KCNJ5: variants seen among roughly 807,000 people sequenced by gnomAD.
KCNJ5 encodes G protein-activated inward rectifier potassium channel 4.
KCNJ5 carries 12 observed loss-of-function variants against 20.2 expected under a neutral mutation model. That is an observed-to-expected ratio of 0.59 (90% CI 0.38 to 0.96). KCNJ5 has a LOEUF of 0.96. KCNJ5 is among the 40% of genes least tolerant of loss of function. The pLI is 0.00. For missense variants in KCNJ5, 449 were observed against 557.6 expected (o/e 0.81, Z 1.96); for synonymous variants, 210 against 213.9 (o/e 0.98, Z 0.16).
chr11:128,899,664 G>A (rs1056888550), intron 1 of KCNJ5: 6 of 152,146 alleles, frequency 3.9e-5, no homozygotes, highest in African/African-American at 1.2e-4. Flanking sequence ...ATCACTGTGC[G>A]GCTCACTTTC....
Position 128,920,525 on chromosome 11 carries a change from AG to A in KCNJ5, c.*3795del, listed in dbSNP as rs1944650440. On this transcript the variant is annotated 3_prime_UTR_variant, in exon 3 of 3. Transcript: ENST00000529694. ...TGTACTGAAGTTGCCAAAAACCAAA[AG>A]TTGCCCGTTGTCATTTTTAAGACTG... 6.6e-6 allele frequency: 1 copy of A among 152,286 alleles called. No homozygotes were observed. Among genetic ancestry groups the A allele is most frequent in the Admixed American group, 6.5e-5 (1 of 15,280 alleles). The allele number at this position is 152,286 out of a possible 1,614,324, so 9.4% of individuals were successfully genotyped here.
At chr11:128,904,644 C>G in intron 1 of KCNJ5, 1 of 701,678 alleles carries the variant, frequency 1.4e-6, no homozygotes, top group South Asian at 1.5e-5. Context: ...TTAGCCAGAT[C>G]CCCAGGAAGG....
At chr11:128,896,737 A>G (rs1414350215) in intron 1 of KCNJ5, among the ~76,000 whole-genome samples, 1 of 152,040 alleles carries the variant, frequency 6.6e-6, no homozygotes, top group East Asian at 1.9e-4. Flanking sequence ...GACATCTGGG[A>G]TGTTTTCACT....
intron 1 of KCNJ5, chr11:128,900,093 AAT>A (rs1288026640): frequency 6.6e-6 from 1 of 152,196 alleles, no homozygotes; most frequent in Non-Finnish European, 1.5e-5. Context: ...AATCGGGCCT[AAT>A]ATCTGCCCTT....
chr11:128,906,324 C>T (rs562374356), intron 1 of KCNJ5, among the ~76,000 whole-genome samples: 1 of 152,340 alleles, frequency 6.6e-6, no homozygotes, highest in South Asian at 2.1e-4. Flanking sequence ...TATGATCCGA[C>T]TTCCCTTTCT....
At chr11:128,900,045 C>T (rs963214238) in intron 1 of KCNJ5, 8 of 152,218 alleles carry the variant, frequency 5.3e-5, no homozygotes, top group Non-Finnish European at 1.0e-4. Context: ...AGGCACTCAC[C>T]TATCACTAAC....
intron 1 of KCNJ5, among the ~76,000 whole-genome samples, chr11:128,895,387 C>CG (rs975978745): frequency 2.7e-5 from 4 of 150,344 alleles, no homozygotes; most frequent in African/African-American, 4.9e-5. Context: ...CCCCCACCCC[C>CG]CCCCCAACCC....
chr11:128,902,300 C>A, intron 1 of KCNJ5: 1 of 552,262 alleles, frequency 1.8e-6, no homozygotes, highest in Non-Finnish European at 3.2e-6. Context: ...CCCTCCTGTC[C>A]CTCCAGCCCT....
At chr11:128,903,395 C>A in intron 1 of KCNJ5, 2 of 1,614,040 alleles carry the variant, frequency 1.2e-6, no homozygotes, top group Non-Finnish European at 1.7e-6. Context: ...TGGGTGTAGA[C>A]GGCAGAGCTC....
At chr11:128,895,794 C>A (rs946103765) in intron 1 of KCNJ5, among the ~76,000 whole-genome samples, 1 of 152,242 alleles carries the variant, frequency 6.6e-6, no homozygotes, top group Non-Finnish European at 1.5e-5. Context: ...GCACAGGCAT[C>A]GCCGGGGCGA....
chr11:128,916,244 A>ATGGATGGATGGATG lies in KCNJ5; in HGVS notation c.938-165_938-164insTGGATGGATGGATG, dbSNP rs1565554461. Among the ~76,000 whole-genome samples the ATGGATGGATGGATG allele has an allele frequency of 7.3e-4, 94 of 129,288 alleles. 2 individuals carry two copies. Among genetic ancestry groups the ATGGATGGATGGATG allele is most frequent in the African/African-American group, 2.4e-3 (80 of 33,082 alleles). The allele number at this position is 129,288 out of a possible 152,430, so 84.8% of individuals were successfully genotyped here. A position where few individuals can be genotyped will look rare whatever the true frequency, so the allele number is the denominator to read the frequency against. ...TGGATGGTTGGATGGATAGATGATT[A>ATGGATGGATGGATG]GATGGATGGATGGATGGATGGATGG... On this transcript the variant is annotated intron_variant, in intron 2 of 2. Coordinates refer to ENST00000529694, the MANE Select transcript of KCNJ5 (RefSeq NM_000890.5).
intron 1 of KCNJ5, among the ~76,000 whole-genome samples, chr11:128,897,492 G>A (rs1944196394): frequency 6.6e-6 from 1 of 151,956 alleles, no homozygotes; most frequent in South Asian, 2.1e-4. Context: ...AATTTGATTG[G>A]CTTTTGTTGT....
Position 128,918,830 on chromosome 11 carries a change from G to A in KCNJ5, c.*2099G>A, listed in dbSNP as rs946973057. 6.6e-6 allele frequency: 1 copy of A among 152,400 alleles called. No individual in the cohort carries two copies. The highest frequency in any genetic ancestry group is 1.5e-5 in the Non-Finnish European group (1 of 68,202). 9.4% of individuals were successfully genotyped at this position (152,400 alleles called of 1,614,324 possible). On this transcript the variant is annotated 3_prime_UTR_variant, in exon 3 of 3. Coordinates refer to ENST00000529694, the MANE Select transcript of KCNJ5 (RefSeq NM_000890.5). ...GGGCTGGATCTTGAGAGGTGGGCAG[G>A]GTCTTCCCACCAGTGGCAGGGTGTG...
chr11:128,914,389 A>T (rs7933818), intron 2 of KCNJ5, among the ~76,000 whole-genome samples: 3 of 152,022 alleles, frequency 2.0e-5, no homozygotes, highest in African/African-American at 7.2e-5. Flanking sequence ...GGGGCCCGCC[A>T]TTCACTTGTC....
intron 1 of KCNJ5, among the ~76,000 whole-genome samples, chr11:128,907,247 A>G (rs958530038): frequency 1.3e-5 from 2 of 152,190 alleles, no homozygotes; most frequent in Non-Finnish European, 2.9e-5. Context: ...GATCACAGAT[A>G]GGGAGACTGA....
intron 1 of KCNJ5, chr11:128,904,673 G>T: frequency 3.1e-6 from 2 of 641,636 alleles, no homozygotes; most frequent in South Asian, 1.7e-5. Flanking sequence ...AGGAACGAAT[G>T]CCAGTGAAGT....
rs1944082005 is a variant in KCNJ5 at position 128,891,431 on chromosome 11, CACACACACACAGAGAGAGAGAGAGAG to C, written c.-299_-274del. ...ACACACACACACACACACACACACACACACACACACAGAGAGAGAGAGAGAGAGAGAGAGAGAGAGAGAGATTGTTC... is the reference window on the plus strand; with the variant it reads ...ACACACACACACACACACACACACACAGAGAGAGAGAGAGAGAGATTGTTC... On this transcript the variant is annotated 5_prime_UTR_variant, in exon 1 of 3. Coordinates refer to ENST00000529694, the MANE Select transcript of KCNJ5 (RefSeq NM_000890.5). 1.1e-5 allele frequency: 1 copy of C among 92,688 alleles called. No homozygotes were observed. The highest frequency in any genetic ancestry group is 4.8e-5 in the African/African-American group (1 of 21,040). The allele number at this position is 92,688 out of a possible 1,614,324, so 5.7% of individuals were successfully genotyped here.
rs191659681 is a variant in KCNJ5 at position 128,892,853 on chromosome 11, C to T, written c.-11+1132C>T. Among the ~76,000 whole-genome samples the T allele has an allele frequency of 7.3e-4, 111 of 152,292 alleles. No individual in the cohort carries two copies. The Middle Eastern group carries it at 0.01, about 14-fold the overall frequency. Reference sequence around the variant, plus strand: ...CGTTTACATGAGTTCATCTTGACACCAGTCCTGTGGGGCAGAGCTTATTTC... The same window carrying T: ...CGTTTACATGAGTTCATCTTGACACTAGTCCTGTGGGGCAGAGCTTATTTC... On this transcript the variant is annotated intron_variant, in intron 1 of 2. Transcript: ENST00000529694.
chr11:128,893,702 G>T (rs199835135), intron 1 of KCNJ5, among the ~76,000 whole-genome samples: 2 of 151,320 alleles, frequency 1.3e-5, no homozygotes, highest in Non-Finnish European at 2.9e-5. Context: ...AAGGGTGAGG[G>T]GGGGGGTCAA....
Sources: allele counts gnomAD v4.1 joint callset (sites outside exome capture counted in the v4.1 genomes callset), GRCh38; gene constraint gnomAD v4.1.1; transcripts MANE v1.5; gene names NCBI Gene and HGNC (gene_info 2026-07-23, HGNC 2026-07-21).